The following PKD1L1 variants were observed in gnomAD, a reference collection of about 807,000 sequenced individuals.
PKD1L1 encodes the protein polycystin-1-like protein 1.
In PKD1L1, 236 loss-of-function variants were observed where a neutral mutation model predicts 323.4. The ratio of observed to expected loss-of-function variants is 0.73; its 90% confidence interval spans 0.66 to 0.81. PKD1L1 has a LOEUF of 0.81. Among genes scored for constraint, PKD1L1 ranks in the 40% least tolerant of loss-of-function variants. PKD1L1 has a pLI of 0.00. For synonymous variants in PKD1L1, 1,344 were observed against 1,335.0 expected (o/e 1.01, Z -0.15); for missense variants, 3,320 against 3,508.0 (o/e 0.95, Z 1.35).
At position 47,809,461 on chromosome 7, in the gene PKD1L1, A is replaced by T; in HGVS notation, c.7686+12T>A. ...GTTATTTTTCAAAAGAAAATGACAC[A>T]AGAGAGGCTACCTCCAGCCAGTTCC... On this transcript the variant is annotated intron_variant, in intron 51 of 56. Transcript: ENST00000289672. 6.5e-7 allele frequency: 1 copy of T among 1,542,502 alleles called. No homozygotes were observed. The highest frequency in any genetic ancestry group is 8.8e-7 in the Non-Finnish European group (1 of 1,132,564).
Position 47,833,249 on chromosome 7 carries a change from G to C in PKD1L1, c.6178C>G (p.Pro2060Ala), listed in dbSNP as rs1374792914. The change falls in exon 41 of 57, where the codon CCT becomes GCT. Residue 2060 changes from proline to alanine, a missense_variant. Coordinates refer to ENST00000289672, the MANE Select transcript of PKD1L1 (RefSeq NM_138295.5). Reference sequence around the variant, plus strand: ...CTCCCAGAGAGAATGGCTGATGCAGGTTGCTAGAATGACAAGGTCATGCCA... The same window carrying C: ...CTCCCAGAGAGAATGGCTGATGCAGCTTGCTAGAATGACAAGGTCATGCCA... Reference protein sequence around the residue: ...IPDAQEPRKQPASAILSGSGR... With the variant: ...IPDAQEPRKQAASAILSGSGR... 6.2e-7 allele frequency: 1 copy of C among 1,611,828 alleles called. No individual in the cohort carries two copies. Among genetic ancestry groups the C allele is most frequent in the Non-Finnish European group, 8.5e-7 (1 of 1,178,828 alleles).
At chr7:47,798,747 T>A (rs1293480675) in intron 54 of PKD1L1, among the ~76,000 whole-genome samples, 1 of 108,840 alleles carries the variant, frequency 9.2e-6, no homozygotes. Context: ...AGAGTGAGAC[T>A]CTGTCTCAAA....
At chr7:47,870,408 A>G (rs924937147) in intron 24 of PKD1L1, among the ~76,000 whole-genome samples, 1 of 152,168 alleles carries the variant, frequency 6.6e-6, no homozygotes, top group Non-Finnish European at 1.5e-5. Context: ...TTAAATTACT[A>G]AAATCAGGAA....
At chr7:47,849,002 G>A (rs1562958085) in intron 31 of PKD1L1, among the ~76,000 whole-genome samples, 1 of 152,162 alleles carries the variant, frequency 6.6e-6, no homozygotes, top group Non-Finnish European at 1.5e-5. Flanking sequence ...AAATAGGCAT[G>A]TAGACCAATG....
At chr7:47,959,596 A>G in the PKD1L1 span, among the ~76,000 whole-genome samples, 1 of 123,030 alleles carries the variant, frequency 8.1e-6, no homozygotes, top group Admixed American at 8.3e-5. Flanking sequence ...CAACTGCCCC[A>G]TATGAGAAGT....
upstream of PKD1L1, among the ~76,000 whole-genome samples, chr7:47,949,380 A>AAAAAAAAAAAG (rs1489030733): frequency 2.7e-5 from 4 of 148,496 alleles, no homozygotes; most frequent in Admixed American, 2.7e-4. Flanking sequence ...AAAAAAAAAA[A>AAAAAAAAAAAG]AAAAAAAAAA....
chr7:47,827,325 C>T (rs761903526), intron 45 of PKD1L1, 25 bp downstream of exon 45: 32 of 1,575,426 alleles, frequency 2.0e-5, no homozygotes, highest in Non-Finnish European at 2.6e-5. Flanking sequence ...TGGAGCAAGC[C>T]CTCCCGACAG....
intron 19 of PKD1L1, among the ~76,000 whole-genome samples, chr7:47,884,214 A>G (rs902205816): frequency 7.9e-5 from 12 of 152,098 alleles, no homozygotes; most frequent in African/African-American, 2.9e-4. Flanking sequence ...CTTACAAGAC[A>G]AGCCTGAGGA....
At chr7:47,871,031 T>C (rs548336138) in intron 24 of PKD1L1, among the ~76,000 whole-genome samples, 204 of 148,044 alleles carry the variant, frequency 1.4e-3, no homozygotes, top group African/African-American at 4.6e-3. Context: ...GGGCCAGTAT[T>C]ATTCTGATAC....
chr7:47,776,751 C>T (rs369751230), intron 56 of PKD1L1, among the ~76,000 whole-genome samples: 12 of 152,184 alleles, frequency 7.9e-5, no homozygotes, highest in South Asian at 4.1e-4. Flanking sequence ...TTTATGACCA[C>T]GCAATAAATA....
chr7:47,959,459 C>T, the PKD1L1 span, among the ~76,000 whole-genome samples: 5 of 147,808 alleles, frequency 3.4e-5, no homozygotes, highest in Admixed American at 6.7e-5. Flanking sequence ...ATGTGGGGAG[C>T]GCCTCTGCCC....
intron 7 of PKD1L1, among the ~76,000 whole-genome samples, chr7:47,928,447 G>C (rs973902165): frequency 2.0e-5 from 3 of 152,124 alleles, no homozygotes; most frequent in Non-Finnish European, 4.4e-5. Context: ...GTGCACACCT[G>C]TAATCCCAGC....
intron 56 of PKD1L1, among the ~76,000 whole-genome samples, chr7:47,781,496 C>T (rs1440739647): frequency 6.7e-6 from 1 of 150,202 alleles, no homozygotes; most frequent in Non-Finnish European, 1.5e-5. Flanking sequence ...GCAAGCTCCG[C>T]CTCCTGGGTT....
At chr7:47,846,844 A>G in intron 32 of PKD1L1, 35 bp downstream of exon 32, 24 of 1,569,692 alleles carry the variant, frequency 1.5e-5, no homozygotes, top group Non-Finnish European at 2.1e-5. Context: ...GTCATTTACT[A>G]AAAATCTCAG....
the PKD1L1 span, among the ~76,000 whole-genome samples, chr7:47,958,783 CTCTCCCTCTCCCTCTCCCTCTCCCCACGG>C: frequency 1.5e-5 from 2 of 132,162 alleles, no homozygotes; most frequent in South Asian, 2.8e-4. Flanking sequence ...GTCAAAAGCC[CTCTCCCTCTCCCTCTCCCTCTCCCCACGG>C]TCTCCCTCTC....
At chr7:47,952,400 A>G (rs1788216837), upstream of PKD1L1, among the ~76,000 whole-genome samples, 1 of 152,186 alleles carries the variant, frequency 6.6e-6, no homozygotes, top group Non-Finnish European at 1.5e-5. Flanking sequence ...GCACAGGTAG[A>G]AAGCCCATAA....
At chr7:47,832,474 T>C (rs987276520) in intron 41 of PKD1L1, among the ~76,000 whole-genome samples, 1 of 152,178 alleles carries the variant, frequency 6.6e-6, no homozygotes, top group Non-Finnish European at 1.5e-5. Flanking sequence ...CAACCAAACA[T>C]AGCTGCACGC....
the PKD1L1 span, among the ~76,000 whole-genome samples, chr7:47,953,770 C>T: frequency 3.3e-5 from 5 of 152,362 alleles, no homozygotes; most frequent in African/African-American, 1.2e-4. Flanking sequence ...TCCCATCAAG[C>T]ACTTCCCTCA....
At chr7:47,891,822 A>T (rs1786825728) in intron 15 of PKD1L1, among the ~76,000 whole-genome samples, 1 of 152,230 alleles carries the variant, frequency 6.6e-6, no homozygotes, top group South Asian at 2.1e-4. Flanking sequence ...GATGAGTAAG[A>T]CACAGCCTCT....
Sources: gnomAD v4.1 joint callset for allele counts (sites outside exome capture counted in the v4.1 genomes callset) on GRCh38, gnomAD v4.1.1 for gene constraint, MANE v1.5 for transcripts, NCBI Gene and HGNC (gene_info 2026-07-23, HGNC 2026-07-21) for gene names.